Variants in RGS5 observed in about 807,000 individuals in gnomAD.
The protein encoded by RGS5 is regulator of G-protein signalling 5.
RGS5 carries 20 observed loss-of-function variants against 18.9 expected under a neutral mutation model. That is an observed-to-expected ratio of 1.06 (90% CI 0.74 to 1.54). RGS5 has a LOEUF of 1.54. Ranked by LOEUF, RGS5 falls within the 40% of genes most tolerant of loss-of-function variation. The pLI is 0.00. For missense variants in RGS5, 201 were observed against 211.8 expected (o/e 0.95, Z 0.32); for synonymous variants, 57 against 76.2 (o/e 0.75, Z 1.31).
intron 1 of RGS5, among the ~76,000 whole-genome samples, chr1:163,314,766 G>A (rs1649971479): frequency 6.6e-6 from 1 of 152,132 alleles, no homozygotes; most frequent in Non-Finnish European, 1.5e-5. Flanking sequence ...CTTCATGAAT[G>A]GGACTAGTGC....
At chr1:163,270,078 C>G (rs1432255866) in intron 2 of RGS5, among the ~76,000 whole-genome samples, 1 of 152,122 alleles carries the variant, frequency 6.6e-6, no homozygotes, top group Non-Finnish European at 1.5e-5. Context: ...CTCACTGCAG[C>G]CTTGACCTCC....
At chr1:163,153,865 T>G (rs934061454) in intron 3 of RGS5, among the ~76,000 whole-genome samples, 7 of 151,966 alleles carry the variant, frequency 4.6e-5, no homozygotes, top group African/African-American at 1.7e-4. Context: ...AAACAATGTA[T>G]GGCTATAGGG....
intron 2 of RGS5, among the ~76,000 whole-genome samples, chr1:163,167,464 G>A (rs1360957767): frequency 6.6e-6 from 1 of 152,174 alleles, no homozygotes; most frequent in Non-Finnish European, 1.5e-5. Flanking sequence ...AATGCTGGGA[G>A]TCGTGTTCCT....
At chr1:163,175,964 CCCTAG>C (rs1381476334) in intron 1 of RGS5, among the ~76,000 whole-genome samples, 1 of 152,088 alleles carries the variant, frequency 6.6e-6, no homozygotes, top group African/African-American at 2.4e-5. Context: ...GTGAATCATT[CCCTAG>C]CAGTGTTTTA....
In RGS5 at chr1:163,265,780, T is replaced by C. The variant is rs879367498; in HGVS notation, c.-281+40453A>G. 1.3e-4 allele frequency among the ~76,000 whole-genome samples: 20 copies of C among 152,234 alleles called. No homozygotes were observed. The Middle Eastern group carries it at 0.014, about 104-fold the overall frequency. On this transcript the variant is annotated intron_variant, in intron 2 of 5. Coordinates refer to the RGS5 transcript ENST00000618415. Reference sequence around the variant, plus strand: ...TCTCTAAAACTTTTCCACATAATCATCTTTTTGTTCCTGTTATGGTTGATT... The same window carrying C: ...TCTCTAAAACTTTTCCACATAATCACCTTTTTGTTCCTGTTATGGTTGATT...
intron 1 of RGS5, among the ~76,000 whole-genome samples, chr1:163,194,503 G>T (rs1659483314): frequency 6.6e-6 from 1 of 152,128 alleles, no homozygotes; most frequent in Non-Finnish European, 1.5e-5. Context: ...AAATGTAATA[G>T]TGATACTTGG....
At chr1:163,230,976 C>G (rs961507728) in intron 2 of RGS5, among the ~76,000 whole-genome samples, 1 of 152,142 alleles carries the variant, frequency 6.6e-6, no homozygotes, top group Non-Finnish European at 1.5e-5. Flanking sequence ...GATGGCAACA[C>G]TAGACTTTAA....
chr1:163,216,377 A>T (rs181441194), intron 1 of RGS5, among the ~76,000 whole-genome samples: 1 of 152,274 alleles, frequency 6.6e-6, no homozygotes, highest in Non-Finnish European at 1.5e-5. Context: ...AATTTTAACC[A>T]TATGAAAAGT....
At chr1:163,155,684 T>C (rs1657552032) in intron 3 of RGS5, among the ~76,000 whole-genome samples, 1 of 152,180 alleles carries the variant, frequency 6.6e-6, no homozygotes, top group South Asian at 2.1e-4. Context: ...CAAATGTCTC[T>C]ATTCTGCAAA....
chr1:163,288,168 A>G (rs78179404), intron 2 of RGS5, among the ~76,000 whole-genome samples: 1,651 of 152,198 alleles, frequency 0.011, 10 homozygotes, highest in Middle Eastern at 0.024. Context: ...GATACTGTAG[A>G]ACCTACAAAT....
intron 1 of RGS5, among the ~76,000 whole-genome samples, chr1:163,307,052 T>A (rs574623623): frequency 1.3e-5 from 2 of 152,190 alleles, no homozygotes; most frequent in Non-Finnish European, 2.9e-5. Context: ...ATTATATATA[T>A]TCTGAATATA....
At chr1:163,176,739 C>T (rs17357773) in intron 1 of RGS5, among the ~76,000 whole-genome samples, 19,303 of 152,020 alleles carry the variant, frequency 0.13, 1,554 homozygotes, top group Middle Eastern at 0.23. Context: ...ACATGATGTA[C>T]GCTATAATAT....
At chr1:163,312,180 T>C (rs1186413751) in intron 1 of RGS5, among the ~76,000 whole-genome samples, 2 of 152,154 alleles carry the variant, frequency 1.3e-5, no homozygotes, top group Admixed American at 1.3e-4. Context: ...CTCTTCCCCC[T>C]TGGCTTCCTT....
intron 2 of RGS5, among the ~76,000 whole-genome samples, chr1:163,228,595 TG>T (rs1193783457): frequency 3.3e-5 from 5 of 152,198 alleles, no homozygotes; most frequent in African/African-American, 1.2e-4. Flanking sequence ...CCCATTGTCT[TG>T]GTGATTAACA....
intron 2 of RGS5, among the ~76,000 whole-genome samples, chr1:163,256,602 A>G (rs1648278232): frequency 6.6e-6 from 1 of 152,232 alleles, no homozygotes; most frequent in South Asian, 2.1e-4. Context: ...AAGGAACTTC[A>G]CAAAGAAAAG....
At chr1:163,261,128 T>G (rs762197451) in intron 2 of RGS5, among the ~76,000 whole-genome samples, 3 of 152,240 alleles carry the variant, frequency 2.0e-5, no homozygotes, top group Non-Finnish European at 4.4e-5. Flanking sequence ...CAGATTCTGC[T>G]GGGATGGTAC....
At chr1:163,173,156 C>T (rs551435158) in intron 1 of RGS5, among the ~76,000 whole-genome samples, 1 of 152,182 alleles carries the variant, frequency 6.6e-6, no homozygotes, top group Non-Finnish European at 1.5e-5. Flanking sequence ...TGACTGCACA[C>T]TAGACATTTT....
At chr1:163,311,081 C>T (rs1188147801) in intron 1 of RGS5, among the ~76,000 whole-genome samples, 2 of 152,142 alleles carry the variant, frequency 1.3e-5, no homozygotes, top group East Asian at 3.9e-4. Flanking sequence ...TAATTCAAGA[C>T]CAGATTTGTG....
At chr1:163,271,708 T>C (rs56076418) in intron 2 of RGS5, among the ~76,000 whole-genome samples, 32,517 of 152,146 alleles carry the variant, frequency 0.21, 3,708 homozygotes, top group African/African-American at 0.3. Context: ...GACATTTGGA[T>C]TGTTTCTAGT....
Sources: allele counts gnomAD v4.1 joint callset (sites outside exome capture counted in the v4.1 genomes callset), GRCh38; gene constraint gnomAD v4.1.1; transcripts MANE v1.5; gene names NCBI Gene and HGNC (gene_info 2026-07-23, HGNC 2026-07-21).